ACIN1: variants seen among roughly 807,000 people sequenced by gnomAD.
ACIN1 encodes apoptotic chromatin condensation inducer in the nucleus.
ACIN1 carries 16 observed loss-of-function variants against 146.6 expected under a neutral mutation model. That is an observed-to-expected ratio of 0.11 (90% CI 0.07 to 0.17). ACIN1 has a LOEUF of 0.17. ACIN1 is among the 10% of genes least tolerant of loss of function. The pLI, the probability that ACIN1 is intolerant of heterozygous loss-of-function variation, is 1.00. For synonymous variants in ACIN1, 569 were observed against 582.7 expected (o/e 0.98, Z 0.34); for missense variants, 1,357 against 1,609.3 (o/e 0.84, Z 2.68).
intron 18 of ACIN1, among the ~76,000 whole-genome samples, chr14:23,059,972 T>A (rs2047224005): frequency 7.0e-6 from 1 of 143,004 alleles, no homozygotes; most frequent in Admixed American, 6.9e-5. Context: ...TTTTTTTTTT[T>A]TTTTTGAGAC....
upstream of ACIN1, chr14:23,095,557 C>A (rs17126531): frequency 6.5e-6 from 3 of 464,670 alleles, no homozygotes; most frequent in Non-Finnish European, 7.7e-6. Context: ...TGGAAGCTGC[C>A]GCAGTAGTTG....
Position 23,090,161 on chromosome 14 carries a change from A to G in ACIN1, c.317-60T>C. ...AGTGAAGGACTCAGCATGTAGGAAT[A>G]TGTAGAGGAGTGAAGGAGGTCAGGC... On this transcript the variant is annotated intron_variant, in intron 3 of 18. Transcript: ENST00000605057. 3.8e-6 allele frequency: 6 copies of G among 1,577,258 alleles called. No individual in the cohort carries two copies. In the South Asian group the frequency reaches 6.9e-5, roughly 18 times the overall value.
intron 8 of ACIN1, among the ~76,000 whole-genome samples, chr14:23,072,573 A>G (rs556219761): frequency 5.9e-5 from 9 of 152,346 alleles, no homozygotes; most frequent in East Asian, 1.9e-4. Flanking sequence ...CTCAGTAGAT[A>G]CTCAAAATGC....
At chr14:23,078,306 A>C (rs1227922155) in intron 7 of ACIN1, 40 bp from the exon 8 acceptor site, 1 of 1,578,702 alleles carries the variant, frequency 6.3e-7, no homozygotes, top group Non-Finnish European at 8.7e-7. Context: ...CAAAACATTT[A>C]GATCTGCTTG....
Position 23,085,324 on chromosome 14 carries a change from G to T in ACIN1, c.437-3488C>A, listed in dbSNP as rs188018392. Among the ~76,000 whole-genome samples the T allele has an allele frequency of 2.5e-3, 385 of 152,260 alleles. 1 individual carries two copies. Among genetic ancestry groups the T allele is most frequent in the Non-Finnish European group, 4.3e-3 (294 of 68,024 alleles). On this transcript the variant is annotated intron_variant, in intron 4 of 18. Transcript: ENST00000605057. ...CACTCCAGCCTGGGCGACAGAGCGAGACTCCATCTCAAAAAACAACAACAA... is the reference window on the plus strand; with the variant it reads ...CACTCCAGCCTGGGCGACAGAGCGATACTCCATCTCAAAAAACAACAACAA...
intron 1 of ACIN1, 73 bp downstream of exon 1, chr14:23,094,902 C>T (rs1350757146): frequency 2.0e-6 from 3 of 1,503,410 alleles, no homozygotes; most frequent in Non-Finnish European, 2.7e-6. Flanking sequence ...GGATACTGCG[C>T]CTGCGCCGCG....
At chr14:23,069,707 C>T (rs2140065625) in intron 8 of ACIN1, 90 bp from the exon 9 acceptor site, 1 of 1,252,354 alleles carries the variant, frequency 8.0e-7, no homozygotes, top group Non-Finnish European at 1.1e-6. Context: ...GGTCAGGAAA[C>T]CCTCCTGCCT....
chr14:23,074,609 A>G (rs1397234991), intron 8 of ACIN1, among the ~76,000 whole-genome samples: 1 of 152,138 alleles, frequency 6.6e-6, no homozygotes, highest in Admixed American at 6.5e-5. Flanking sequence ...ACTGTCCCCA[A>G]AATGGACTCT....
upstream of ACIN1, chr14:23,095,295 A>G (rs199946818): frequency 2.5e-6 from 4 of 1,588,546 alleles, no homozygotes; most frequent in Non-Finnish European, 1.7e-6. Flanking sequence ...ATCGTTACCA[A>G]TCAATTCTTT....
chr14:23,087,982 T>G (rs1376461626), intron 4 of ACIN1, among the ~76,000 whole-genome samples: 1 of 152,246 alleles, frequency 6.6e-6, no homozygotes, highest in East Asian at 1.9e-4. Flanking sequence ...CTCTAATCAC[T>G]GTAGTCCTCA....
chr14:23,071,527 G>A (rs538181171), intron 8 of ACIN1: 95 of 1,551,286 alleles, frequency 6.1e-5, no homozygotes, highest in Middle Eastern at 3.4e-4. Flanking sequence ...GAGCGGCAGC[G>A]ATCAGCCGGA....
intron 13 of ACIN1, 54 bp from the exon 14 acceptor site, chr14:23,063,128 T>A (rs1305927514): frequency 6.6e-7 from 1 of 1,526,064 alleles, no homozygotes; most frequent in African/African-American, 1.4e-5. Context: ...CTGGCTCTTT[T>A]CACCCTCAAT....
Position 23,062,402 on chromosome 14 carries a change from C to G in ACIN1, c.2991+14G>C. 1 of 1,613,646 alleles carries G rather than the reference C, an allele frequency of 6.2e-7. No homozygotes were observed. The highest frequency in any genetic ancestry group is 8.5e-7 in the Non-Finnish European group (1 of 1,179,534). On this transcript the variant is annotated intron_variant, in intron 15 of 18. Transcript: ENST00000605057. ...TATATGCCATGACCTATAGAATCAGCTTCTTCCCCTCACCGTTACAAAGCA... is the reference window on the plus strand; with the variant it reads ...TATATGCCATGACCTATAGAATCAGGTTCTTCCCCTCACCGTTACAAAGCA...
intron 8 of ACIN1, chr14:23,071,735 A>G (rs2047661813): frequency 1.6e-6 from 1 of 607,096 alleles, no homozygotes; most frequent in East Asian, 3.1e-5. Context: ...CAGCAGCTAC[A>G]GAGGCTTAAC....
chr14:23,084,137 G>T (rs1375041888), intron 4 of ACIN1, among the ~76,000 whole-genome samples: 8 of 152,022 alleles, frequency 5.3e-5, no homozygotes, highest in African/African-American at 1.9e-4. Context: ...AGTAGAGACG[G>T]GGTTTTGCCA....
At chr14:23,086,434 T>C (rs1435405114) in intron 4 of ACIN1, among the ~76,000 whole-genome samples, 6 of 152,226 alleles carry the variant, frequency 3.9e-5, no homozygotes, top group African/African-American at 1.2e-4. Context: ...TTTATGACTA[T>C]GGTAGGTGGA....
chr14:23,068,526 C>T lies in ACIN1; in HGVS notation c.2265+950G>A. 1.0e-6 allele frequency: 1 copy of T among 985,926 alleles called. No individual in the cohort carries two copies. The highest frequency in any genetic ancestry group is 1.2e-6 in the Non-Finnish European group (1 of 829,966). The allele number at this position is 985,926 out of a possible 1,614,324, so 61.1% of individuals were successfully genotyped here. Reference sequence around the variant, plus strand: ...ATCACAGGAGCCCATATACATGCCCCCCTCTGGCCAAGACACCTGGATAGC... The same window carrying T: ...ATCACAGGAGCCCATATACATGCCCTCCTCTGGCCAAGACACCTGGATAGC... On this transcript the variant is annotated intron_variant, in intron 9 of 18. Coordinates refer to ENST00000605057, the MANE Select transcript of ACIN1 (RefSeq NM_001386863.1). This position sits in a 1 kb window ranked among gnomAD's most constrained non-coding sequence, Gnocchi z 4.3.
At chr14:23,083,454 C>T (rs537158592) in intron 4 of ACIN1, among the ~76,000 whole-genome samples, 22 of 152,090 alleles carry the variant, frequency 1.4e-4, no homozygotes, top group Non-Finnish European at 2.8e-4. Flanking sequence ...ACTAGGCGGC[C>T]GGGCACGGTG....
chr14:23,088,465 C>T (rs1349779921), intron 4 of ACIN1, among the ~76,000 whole-genome samples: 1 of 152,166 alleles, frequency 6.6e-6, no homozygotes, highest in Non-Finnish European at 1.5e-5. Context: ...TTTCTCTAGC[C>T]TTTTGGAAAA....
Sources: gnomAD v4.1 joint callset for allele counts (sites outside exome capture counted in the v4.1 genomes callset) on GRCh38, gnomAD v4.1.1 for gene constraint, Gnocchi (gnomAD v3.1) non-coding constraint, MANE v1.5 for transcripts, NCBI Gene and HGNC (gene_info 2026-07-23, HGNC 2026-07-21) for gene names.